The following LINGO2 variants were observed in gnomAD, a reference collection of about 807,000 sequenced individuals.
LINGO2 encodes the protein leucine-rich repeat and immunoglobulin-like domain-containing nogo receptor-interacting protein 2.
Under a neutral mutation model 30.6 loss-of-function variants are expected in LINGO2, and 14 were observed. The observed-to-expected ratio is 0.46, with a 90% CI of 0.30 to 0.72. LINGO2 has a LOEUF of 0.72. LINGO2 is among the 30% of genes least tolerant of loss of function. The pLI is 0.07. For synonymous variants in LINGO2, 317 were observed against 288.5 expected (o/e 1.10, Z -1.00); for missense variants, 729 against 751.7 (o/e 0.97, Z 0.35).
chr9:28,046,524 T>C (rs1824428691), intron 4 of LINGO2, among the ~76,000 whole-genome samples: 1 of 152,172 alleles, frequency 6.6e-6, no homozygotes, highest in African/African-American at 2.4e-5. Context: ...AATACTTTTG[T>C]AACTTTTTCC....
At chr9:28,694,568 T>TA in the LINGO2 span, among the ~76,000 whole-genome samples, 1 of 152,032 alleles carries the variant, frequency 6.6e-6, no homozygotes, top group African/African-American at 2.4e-5. Flanking sequence ...CAACTCCTCC[T>TA]ATCCTCACAG....
the LINGO2 span, among the ~76,000 whole-genome samples, chr9:28,744,607 C>CGTGTGTGTGTGTGTGTGTGTG: frequency 3.7e-5 from 4 of 107,934 alleles, no homozygotes; most frequent in Non-Finnish European, 7.6e-5. Flanking sequence ...AGATATTCCC[C>CGTGTGTGTGTGTGTGTGTGTG]TCGTGTGTGT....
chr9:28,012,465 C>G (rs981274893), intron 4 of LINGO2: 3 of 151,946 alleles, frequency 2.0e-5, no homozygotes, highest in African/African-American at 4.8e-5. Flanking sequence ...TTCTAACCTT[C>G]TCTACTGCCT....
chr9:27,987,389 C>T (rs1821175554), intron 5 of LINGO2, among the ~76,000 whole-genome samples: 1 of 151,692 alleles, frequency 6.6e-6, no homozygotes, highest in African/African-American at 2.4e-5. Context: ...TCCCTCCAGG[C>T]TCAGCCTTTT....
chr9:28,766,410 T>A, the LINGO2 span, among the ~76,000 whole-genome samples: 1 of 150,938 alleles, frequency 6.6e-6, no homozygotes, highest in Non-Finnish European at 1.5e-5. Context: ...CAAAGCCACC[T>A]GATAGAATGG....
the LINGO2 span, among the ~76,000 whole-genome samples, chr9:29,005,407 G>C: frequency 6.6e-6 from 1 of 151,834 alleles, no homozygotes; most frequent in Admixed American, 6.6e-5. Flanking sequence ...TGGTATCTAT[G>C]AGAGATTGGT....
At chr9:28,200,322 T>G (rs972910851) in intron 4 of LINGO2, among the ~76,000 whole-genome samples, 6 of 152,146 alleles carry the variant, frequency 3.9e-5, no homozygotes, top group African/African-American at 1.4e-4. Context: ...TTCCTTCCAG[T>G]TTTATCATTT....
chr9:28,268,289 A>G (rs1450219134), intron 4 of LINGO2, among the ~76,000 whole-genome samples: 2 of 152,018 alleles, frequency 1.3e-5, no homozygotes, highest in African/African-American at 4.8e-5. Flanking sequence ...GATAGATGCA[A>G]TTTTGAACTA....
At position 28,049,992 on chromosome 9, in the gene LINGO2, T is replaced by G. The variant is rs1352365939; in HGVS notation, c.-86-37587A>C. 2.7e-5 allele frequency among the ~76,000 whole-genome samples: 4 copies of G among 150,780 alleles called. 1 individual carries two copies. The East Asian group carries it at 7.9e-4, about 30-fold the overall frequency. ...AGCAAGGTCAGTTTGTGGGCTGTTT[T>G]AATAGTTCTGGAGACAGTGAAGGCT... On this transcript the variant is annotated intron_variant, in intron 4 of 5. Coordinates refer to ENST00000379992, the Ensembl canonical transcript of LINGO2.
intron 4 of LINGO2, among the ~76,000 whole-genome samples, chr9:28,265,283 G>A (rs1169132193): frequency 1.3e-5 from 2 of 151,686 alleles, no homozygotes; most frequent in African/African-American, 4.8e-5. Context: ...TCACTCACAG[G>A]GATACCTCTT....
rs868688337 is a variant in LINGO2, at chr9:28,625,709, G to T, written c.-365+44491C>A. Among the ~76,000 whole-genome samples, 27 of 151,834 alleles carry T rather than the reference G, an allele frequency of 1.8e-4. No individual in the cohort carries two copies. The Middle Eastern group carries it at 0.017, about 96-fold the overall frequency. Reference sequence around the variant, plus strand: ...TTTCATTATGGTTATACTAAAATTTGTTCATTTATTTATTCCTGAACATTT... The same window carrying T: ...TTTCATTATGGTTATACTAAAATTTTTTCATTTATTTATTCCTGAACATTT... On this transcript the variant is annotated intron_variant, in intron 1 of 5. Transcript: ENST00000379992.
chr9:28,748,311 G>A, the LINGO2 span, among the ~76,000 whole-genome samples: 1 of 151,942 alleles, frequency 6.6e-6, no homozygotes, highest in South Asian at 2.1e-4. Flanking sequence ...TTTGCACCAT[G>A]TGTCTTCTGA....
At chr9:29,000,632 C>T in the LINGO2 span, among the ~76,000 whole-genome samples, 1 of 151,906 alleles carries the variant, frequency 6.6e-6, no homozygotes, top group Non-Finnish European at 1.5e-5. Context: ...GAAAGAGCTA[C>T]TCCATACGCA....
chr9:28,706,196 C>T, the LINGO2 span, among the ~76,000 whole-genome samples: 1 of 152,070 alleles, frequency 6.6e-6, no homozygotes, highest in South Asian at 2.1e-4. Context: ...TTTCCATTGT[C>T]TTGTCTGCCT....
the LINGO2 span, among the ~76,000 whole-genome samples, chr9:29,193,637 G>C: frequency 2.6e-5 from 4 of 152,224 alleles, no homozygotes; most frequent in Admixed American, 1.3e-4. Context: ...ACCTGCAAAG[G>C]GCTGGGGACT....
chr9:28,139,012 G>T (rs1827600376), intron 4 of LINGO2, among the ~76,000 whole-genome samples: 1 of 152,158 alleles, frequency 6.6e-6, no homozygotes, highest in African/African-American at 2.4e-5. Flanking sequence ...TCTCAAAAAG[G>T]CCTGGCTTCT....
At chr9:28,726,591 T>A in the LINGO2 span, among the ~76,000 whole-genome samples, 1 of 152,286 alleles carries the variant, frequency 6.6e-6, no homozygotes, top group East Asian at 1.9e-4. Context: ...AATTTGCAGA[T>A]TGAAACCTTA....
chr9:28,509,602 C>T (rs1390091108), intron 1 of LINGO2, among the ~76,000 whole-genome samples: 2 of 152,080 alleles, frequency 1.3e-5, no homozygotes, highest in Non-Finnish European at 1.5e-5. Flanking sequence ...AGAGACAGGG[C>T]CGTTAAGGAG....
Position 28,351,068 on chromosome 9 carries a change from C to A in LINGO2, c.-246+21768G>T, listed in dbSNP as rs576111897. On this transcript the variant is annotated intron_variant, in intron 3 of 5. Coordinates refer to ENST00000379992, the Ensembl canonical transcript of LINGO2. ...AGCAGGAAAGATCCAAAATTGGCAC[C>A]CTAACATCACAATTAAAAGAACTAG... 6.5e-4 allele frequency among the ~76,000 whole-genome samples: 98 copies of A among 151,798 alleles called. 1 individual carries two copies. The highest frequency in any genetic ancestry group is 2.2e-3 in the African/African-American group (91 of 41,358).
Sources: gnomAD v4.1 joint callset for allele counts (sites outside exome capture counted in the v4.1 genomes callset) on GRCh38, gnomAD v4.1.1 for gene constraint, MANE v1.5 for transcripts, NCBI Gene and HGNC (gene_info 2026-07-23, HGNC 2026-07-21) for gene names.